Variants in UNC13B observed in about 807,000 individuals in gnomAD.
UNC13B encodes protein unc-13 homolog B.
In UNC13B, 144 loss-of-function variants were observed where a neutral mutation model predicts 211.0. The ratio of observed to expected loss-of-function variants is 0.68; its 90% CI spans 0.60 to 0.78. The LOEUF is 0.78. Among genes scored for constraint, UNC13B ranks in the 30% least tolerant of loss-of-function variants. The probability of loss-of-function intolerance (pLI) is 0.00; values close to 1 mark genes in which losing one functional copy is unlikely to be tolerated. For synonymous variants in UNC13B, 709 were observed against 725.8 expected, an observed-to-expected ratio of 0.98 and a Z score of 0.37; for missense variants, 1,777 against 2,002.0, an observed-to-expected ratio of 0.89 and a Z score of 2.14.
rs746475516 is a variant in UNC13B at position 35,369,690 on chromosome 9, CT to C, written c.9462-626del. On this transcript the variant is annotated intron_variant, in intron 12 of 39. Transcript: ENST00000635942. ...TAAATGGTGTTTTGTTTTGTTTTTT[CT>C]TCCCTTAGGTGGTCTTTTGGAAGTC... Among the ~76,000 whole-genome samples the C allele has an allele frequency of 4.6e-4, 70 of 152,088 alleles. 1 individual carries two copies. Among genetic ancestry groups the C allele is most frequent in the Non-Finnish European group, 1.6e-4 (11 of 68,000 alleles).
At chr9:35,353,828 T>A in intron 11 of UNC13B, 1 of 1,228,446 alleles carries the variant, frequency 8.1e-7, no homozygotes, top group Non-Finnish European at 1.0e-6. Context: ...GAGTCACTAT[T>A]TAACAGGGTC....
At position 35,238,489 on chromosome 9, in the gene UNC13B, C is replaced by T. The variant is rs202170348; in HGVS notation, c.394+663C>T. The stretch of plus-strand genomic sequence containing the variant: ...CTGCTTAGACATTTATCCTGAACAT[C>T]GCTCCATGTTATACTTTAAGATCTG... On this transcript the variant is annotated intron_variant, in intron 5 of 39. Transcript: ENST00000635942. Among the ~76,000 whole-genome samples, 21 of 152,012 alleles carry T rather than the reference C, an allele frequency of 1.4e-4. No individual in the cohort carries two copies. In the East Asian group the frequency reaches 2.3e-3, roughly 17 times the overall value.
intron 1 of UNC13B, among the ~76,000 whole-genome samples, chr9:35,172,045 T>G (rs932976809): frequency 6.6e-6 from 1 of 152,058 alleles, no homozygotes; most frequent in Non-Finnish European, 1.5e-5. Flanking sequence ...ATTAATTTTT[T>G]TTTGTAGAGA....
chr9:35,203,691 T>A (rs1040082177), intron 1 of UNC13B, among the ~76,000 whole-genome samples: 5 of 152,236 alleles, frequency 3.3e-5, no homozygotes, highest in Non-Finnish European at 1.5e-5. Flanking sequence ...GTATTCAAGA[T>A]GTGGCCTGGC....
chr9:35,321,736 G>C (rs1220860133), intron 11 of UNC13B, among the ~76,000 whole-genome samples: 3 of 152,088 alleles, frequency 2.0e-5, no homozygotes, highest in Non-Finnish European at 4.4e-5. Flanking sequence ...CTTAGCCTCA[G>C]GTGATCGTCC....
At chr9:35,207,206 C>T (rs1162768998) in intron 1 of UNC13B, among the ~76,000 whole-genome samples, 2 of 151,892 alleles carry the variant, frequency 1.3e-5, no homozygotes, top group Non-Finnish European at 2.9e-5. Flanking sequence ...TTTACATTTC[C>T]CTAATGACTA....
chr9:35,178,985 G>A (rs1461098701), intron 1 of UNC13B, among the ~76,000 whole-genome samples: 1 of 150,874 alleles, frequency 6.6e-6, no homozygotes, highest in Non-Finnish European at 1.5e-5. Flanking sequence ...TTGCCAATAA[G>A]TAGGTAAGGG....
chr9:35,168,725 AG>A (rs1213836816), intron 1 of UNC13B, among the ~76,000 whole-genome samples: 3 of 141,446 alleles, frequency 2.1e-5, no homozygotes, highest in African/African-American at 8.0e-5. Flanking sequence ...TTTTTGATAC[AG>A]GGTCTCACTC....
Position 35,404,217 on chromosome 9 carries a change from TG to T in UNC13B, c.*186del, listed in dbSNP as rs1836539107. ...TTTCACAGAAAGGGTCATGAAGCCC[TG>T]GCCCAACAGGACTGTGGTACTAGGG... On this transcript the variant is annotated 3_prime_UTR_variant, in exon 40 of 40. Coordinates refer to ENST00000635942, the MANE Select transcript of UNC13B (RefSeq NM_001371189.2). The T allele has an allele frequency of 1.3e-6, 1 of 757,838 alleles. No homozygotes were observed. Among genetic ancestry groups the T allele is most frequent in the South Asian group, 1.9e-5 (1 of 52,684 alleles). 46.9% of individuals were successfully genotyped at this position (757,838 alleles called of 1,614,324 possible).
intron 7 of UNC13B, among the ~76,000 whole-genome samples, chr9:35,275,129 T>C (rs921329784): frequency 6.6e-6 from 1 of 152,146 alleles, no homozygotes; most frequent in African/African-American, 2.4e-5. Flanking sequence ...GCTCAGAGTC[T>C]TTTTTTCTCC....
At chr9:35,257,383 T>A (rs997283697) in intron 6 of UNC13B, among the ~76,000 whole-genome samples, 19 of 141,464 alleles carry the variant, frequency 1.3e-4, no homozygotes, top group African/African-American at 1.6e-4. Context: ...AATATTTATA[T>A]AAATATTTAT....
chr9:35,194,484 A>G (rs1822831981), intron 1 of UNC13B, among the ~76,000 whole-genome samples: 1 of 152,190 alleles, frequency 6.6e-6, no homozygotes, highest in South Asian at 2.1e-4. Flanking sequence ...TAAGTCCTCC[A>G]TGAAAGGAAG....
chr9:35,261,375 C>G (rs1262336835), intron 7 of UNC13B, among the ~76,000 whole-genome samples: 1 of 152,106 alleles, frequency 6.6e-6, no homozygotes, highest in South Asian at 2.1e-4. Flanking sequence ...AAATTTAAGA[C>G]TGATACAGTA....
In UNC13B at chr9:35,212,742, C is replaced by T. The variant is rs138829702; in HGVS notation, c.23-15273C>T. ...TAATTTAGCTCCCAAGAAAGTAAGG[C>T]GGCTCTCCCTTGGGCTAAAATGGAA... On this transcript the variant is annotated intron_variant, in intron 1 of 39. Coordinates refer to ENST00000635942, the MANE Select transcript of UNC13B (RefSeq NM_001371189.2). Among the ~76,000 whole-genome samples the T allele has an allele frequency of 2.2e-3, 334 of 152,220 alleles. 2 individuals are homozygous for T. The highest frequency in any genetic ancestry group is 3.7e-3 in the Non-Finnish European group (252 of 68,014).
rs1826038395 is a variant in UNC13B at position 35,245,494 on chromosome 9, C to T, written c.468+2130C>T. On this transcript the variant is annotated intron_variant, in intron 6 of 39. Transcript: ENST00000635942. ...GGTATATCTCCTAATGCTATCCCTC[C>T]CCCCCTCCCCCCACCCCACAACAGG... Among the ~76,000 whole-genome samples the T allele has an allele frequency of 2.7e-5, 3 of 110,894 alleles. No homozygotes were observed. The Admixed American group carries it at 3.1e-4, about 11-fold the overall frequency. The allele number at this position is 110,894 out of a possible 152,430, so 72.8% of individuals were successfully genotyped here.
intron 1 of UNC13B, among the ~76,000 whole-genome samples, chr9:35,192,224 A>G (rs1415650885): frequency 1.3e-5 from 2 of 152,232 alleles, no homozygotes; most frequent in African/African-American, 2.4e-5. Flanking sequence ...CTGTAAAAGA[A>G]GGAAAAATAC....
Position 35,398,601 on chromosome 9 carries a change from G to A in UNC13B, c.11880G>A (p.Leu3960=). 1 of 1,614,066 alleles carries A rather than the reference G, an allele frequency of 6.2e-7. No individual in the cohort carries two copies. The highest frequency in any genetic ancestry group is 8.5e-7 in the Non-Finnish European group (1 of 1,180,022). ...GTCTGAAGGAGCTGCAGGTGAAACT[G>A]AATACGGTTCTGGATGAGCTCAGCA... The part of the protein sequence containing the change: ...ADSLKELQVK[L]NTVLDELSMV... Residue 3960 remains leucine (L), a synonymous_variant, in exon 32 of 40, where the codon CTG becomes CTA. Coordinates refer to ENST00000635942, the MANE Select transcript of UNC13B (RefSeq NM_001371189.2).
Position 35,399,806 on chromosome 9 carries a change from G to A in UNC13B, c.12336+77G>A, listed in dbSNP as rs145314739. 255 of 1,439,426 alleles carry A rather than the reference G, an allele frequency of 1.8e-4. 1 individual carries two copies. In the East Asian group the frequency reaches 5.4e-3, roughly 31 times the overall value. The allele number at this position is 1,439,426 out of a possible 1,614,324, so 89.2% of individuals were successfully genotyped here. ...CTGGCATTCCACTCTCCCAGACCAGGTGTCCCTCCAATTCTTAACACTCCA... is the reference window on the plus strand; with the variant it reads ...CTGGCATTCCACTCTCCCAGACCAGATGTCCCTCCAATTCTTAACACTCCA... On this transcript the variant is annotated intron_variant, in intron 36 of 39. Transcript: ENST00000635942.
At position 35,364,210 on chromosome 9, in the gene UNC13B, T is replaced by C. The variant is rs142633143; in HGVS notation, c.9415-2737T>C. Among the ~76,000 whole-genome samples the C allele has an allele frequency of 4.2e-4, 55 of 131,090 alleles. No homozygotes were observed. In the East Asian group the frequency reaches 9.3e-3, roughly 22 times the overall value. The allele number at this position is 131,090 out of a possible 152,430, so 86.0% of individuals were successfully genotyped here. A position where few individuals can be genotyped will look rare whatever the true frequency, so the allele number is the denominator to read the frequency against. ...TTGGAGTGGTCATTGGTAACAAATCTGGTCTTGCAACCTTGGCAGCCCTGA... is the reference window on the plus strand; with the variant it reads ...TTGGAGTGGTCATTGGTAACAAATCCGGTCTTGCAACCTTGGCAGCCCTGA... On this transcript the variant is annotated intron_variant, in intron 11 of 39. Coordinates refer to ENST00000635942, the MANE Select transcript of UNC13B (RefSeq NM_001371189.2).
Sources: allele counts gnomAD v4.1 joint callset (sites outside exome capture counted in the v4.1 genomes callset), GRCh38; gene constraint gnomAD v4.1.1; transcripts MANE v1.5; gene names NCBI Gene and HGNC (gene_info 2026-07-23, HGNC 2026-07-21).